FRS2: variants seen among roughly 807,000 people sequenced by gnomAD.
The protein encoded by FRS2 is FGFR signalling adaptor.
Under a neutral mutation model 43.9 loss-of-function variants are expected in FRS2, and 8 were observed. The ratio of observed to expected loss-of-function variants is 0.18; its 90% CI spans 0.11 to 0.33. The LOEUF (loss-of-function observed/expected upper bound fraction) is 0.33. Ranked by LOEUF, FRS2 falls within the 10% of genes least tolerant of loss-of-function variation. The pLI, the probability that FRS2 is intolerant of heterozygous loss-of-function variation, is 1.00. For synonymous variants in FRS2, 219 were observed against 220.3 expected (o/e 0.99, Z 0.05); for missense variants, 534 against 627.6 (o/e 0.85, Z 1.59).
chr12:69,475,786 C>G (rs145982212), intron 1 of FRS2, among the ~76,000 whole-genome samples: 42 of 152,084 alleles, frequency 2.8e-4, no homozygotes, highest in African/African-American at 9.2e-4. Flanking sequence ...GCTTGTGGCT[C>G]CCGAAGTGCT....
In FRS2 at chr12:69,575,907, T is replaced by C. The variant is rs1185876945; in HGVS notation, c.*952T>C. The C allele has an allele frequency of 6.6e-6, 1 of 152,656 alleles. No homozygotes were observed. Among genetic ancestry groups the C allele is most frequent in the African/African-American group, 2.4e-5 (1 of 41,460 alleles). 9.5% of individuals were successfully genotyped at this position (152,656 alleles called of 1,614,324 possible). A position where few individuals can be genotyped will look rare whatever the true frequency, so the allele number is the denominator to read the frequency against. Reference sequence around the variant, plus strand: ...GTTTTGAAATTGGATTATGTGTTCATTGTTGTTTAGTTTGCATTTTTGTCA... The same window carrying C: ...GTTTTGAAATTGGATTATGTGTTCACTGTTGTTTAGTTTGCATTTTTGTCA... On this transcript the variant is annotated 3_prime_UTR_variant, in exon 9 of 9. Transcript: ENST00000549921.
Position 69,574,514 on chromosome 12 carries a change from C to A in FRS2, c.1086C>A (p.Arg362=). Residue 362 remains arginine (R), a synonymous_variant, in exon 9 of 9, where the codon CGC becomes CGA. Coordinates refer to ENST00000549921, the MANE Select transcript of FRS2 (RefSeq NM_001278356.2). Reference sequence around the variant, plus strand: ...CTTTGCCTCCTGTTTGGGAAGCCCGCAAGCTAAGTAGGGATGAAGATGACA... The same window carrying A: ...CTTTGCCTCCTGTTTGGGAAGCCCGAAAGCTAAGTAGGGATGAAGATGACA... ...LPSLPPVWEA[R]KLSRDEDDNL... 2 of 1,614,074 alleles carry A rather than the reference C, an allele frequency of 1.2e-6. No homozygotes were observed. The highest frequency in any genetic ancestry group is 1.7e-6 in the Non-Finnish European group (2 of 1,179,994).
At position 69,531,666 on chromosome 12, in the gene FRS2, G is replaced by GA. The variant is rs35298436; in HGVS notation, c.-164-337dup. Among the ~76,000 whole-genome samples the GA allele has an allele frequency of 5.5e-3, 792 of 144,932 alleles. 6 individuals carry two copies. Among genetic ancestry groups the GA allele is most frequent in the African/African-American group, 0.018 (705 of 39,892 alleles). ...CTTTTTACCTTATGTGAATTACACCGAAAAAAAAAAAGGACCCTTCAGAAC... is the reference window on the plus strand; with the variant it reads ...CTTTTTACCTTATGTGAATTACACCGAAAAAAAAAAAAGGACCCTTCAGAAC... On this transcript the variant is annotated intron_variant, in intron 2 of 8. Transcript: ENST00000549921.
chr12:69,569,136 T>G (rs755477608), intron 5 of FRS2, 40 bp downstream of exon 5: 1 of 1,165,682 alleles, frequency 8.6e-7, no homozygotes, highest in South Asian at 1.3e-5. Flanking sequence ...TACTGCCTAG[T>G]TGGGTGTTCT....
intron 3 of FRS2, 28 bp from the exon 4 acceptor site, chr12:69,562,152 A>G (rs982259720): frequency 2.5e-6 from 1 of 397,584 alleles, no homozygotes; most frequent in Non-Finnish European, 4.4e-6. Context: ...GAAATGAGAA[A>G]TTCTCAATGT....
chr12:69,550,495 C>G (rs1242286458), intron 3 of FRS2, among the ~76,000 whole-genome samples: 1 of 152,180 alleles, frequency 6.6e-6, no homozygotes, highest in African/African-American at 2.4e-5. Context: ...CATATTTTAA[C>G]TAAGTCTAAA....
chr12:69,481,775 A>T (rs1298368053), intron 1 of FRS2, among the ~76,000 whole-genome samples: 1 of 152,078 alleles, frequency 6.6e-6, no homozygotes, highest in Non-Finnish European at 1.5e-5. Flanking sequence ...GTCTGATTTG[A>T]TCTGATTAGC....
At chr12:69,486,205 G>A (rs1403492515) in intron 1 of FRS2, 1 of 146,670 alleles carries the variant, frequency 6.8e-6, no homozygotes, top group East Asian at 2.0e-4. Context: ...TTAACAGATT[G>A]AAGGTTTGTG....
At chr12:69,470,786 G>C (rs999432578) in intron 1 of FRS2, among the ~76,000 whole-genome samples, 6 of 152,090 alleles carry the variant, frequency 3.9e-5, no homozygotes, top group African/African-American at 1.5e-4. Context: ...CGAGAGTGGG[G>C]ATGGGCTGGG....
At position 69,473,783 on chromosome 12, in the gene FRS2, C is replaced by T. The variant is rs140377830; in HGVS notation, c.-261+3253C>T. ...TGAAGGCTCTGCAGGACCTCAATGT[C>T]GTAGGTGGGTGGCGAGGAGGAGGGG... On this transcript the variant is annotated intron_variant, in intron 1 of 8. Transcript: ENST00000549921. Among the ~76,000 whole-genome samples, 1,078 of 151,912 alleles carry T rather than the reference C, an allele frequency of 7.1e-3. 14 individuals are homozygous for T. The highest frequency in any genetic ancestry group is 0.024 in the African/African-American group (1,013 of 41,414).
chr12:69,544,369 C>G (rs1238523108), intron 3 of FRS2, among the ~76,000 whole-genome samples: 1 of 151,980 alleles, frequency 6.6e-6, no homozygotes, highest in Non-Finnish European at 1.5e-5. Context: ...AAACATTTGA[C>G]AAAATTCAGC....
chr12:69,496,613 C>G (rs1872921623), intron 1 of FRS2, among the ~76,000 whole-genome samples: 1 of 152,148 alleles, frequency 6.6e-6, no homozygotes, highest in African/African-American at 2.4e-5. Flanking sequence ...ATATATAAAC[C>G]AAACGCTTTC....
intron 1 of FRS2, among the ~76,000 whole-genome samples, chr12:69,507,595 AGTTTTAATCTCATG>A (rs1592956237): frequency 6.6e-6 from 1 of 152,206 alleles, no homozygotes; most frequent in Non-Finnish European, 1.5e-5. Context: ...ACTGTGATGT[AGTTTTAATCTCATG>A]GTTTTAATCT....
chr12:69,550,770 T>C (rs1034539680), intron 3 of FRS2, among the ~76,000 whole-genome samples: 1 of 152,240 alleles, frequency 6.6e-6, no homozygotes, highest in Non-Finnish European at 1.5e-5. Context: ...GAATACAGTT[T>C]TGTAATTTAC....
intron 3 of FRS2, among the ~76,000 whole-genome samples, chr12:69,556,900 G>A (rs959470403): frequency 2.6e-5 from 4 of 152,176 alleles, no homozygotes; most frequent in East Asian, 1.9e-4. Context: ...TATAAAATTC[G>A]TACTGTGGTT....
At chr12:69,487,625 C>T (rs561116629) in intron 1 of FRS2, among the ~76,000 whole-genome samples, 14 of 152,316 alleles carry the variant, frequency 9.2e-5, no homozygotes, top group Admixed American at 7.2e-4. Flanking sequence ...ATCTATTCTG[C>T]AGCCCATAGA....
Position 69,574,198 on chromosome 12 carries a change from C to T in FRS2, c.770C>T (p.Pro257Leu). ...GTCAAATTTGTTTTAGGGCCAACCC[C>T]TGTTCAAAAGCAGTTAATGGAAAAA... is the stretch of plus-strand genomic sequence containing the variant. Reference protein sequence around the residue: ...EGVKFVLGPTPVQKQLMEKEK... With the variant: ...EGVKFVLGPTLVQKQLMEKEK... The change falls in exon 9 of 9, where the codon CCT (proline) becomes CTT (leucine). Residue 257 changes from proline (P) to leucine (L), a missense_variant. Pro to Leu is a moderately conservative substitution (Grantham distance 98). Around this residue, in one of 3 missense-constraint regions of FRS2, gnomAD observed 446 missense variants for 494.2 expected, o/e 0.90. Transcript: ENST00000549921. 1 of 1,614,210 alleles carries T rather than the reference C, an allele frequency of 6.2e-7. No individual in the cohort carries two copies. Among genetic ancestry groups the T allele is most frequent in the African/African-American group, 1.3e-5 (1 of 75,038 alleles).
chr12:69,543,051 C>G (rs1878058647), intron 3 of FRS2, among the ~76,000 whole-genome samples: 1 of 152,188 alleles, frequency 6.6e-6, no homozygotes, highest in Non-Finnish European at 1.5e-5. Flanking sequence ...CAGGTACTAC[C>G]TCAGTCTTAT....
intron 3 of FRS2, among the ~76,000 whole-genome samples, chr12:69,550,999 T>C (rs2135735771): frequency 6.6e-6 from 1 of 152,230 alleles, no homozygotes; most frequent in Admixed American, 6.5e-5. Flanking sequence ...TTCTTAGAAA[T>C]TTCAGCTGTT....
Sources: gnomAD v4.1 joint callset for allele counts (sites outside exome capture counted in the v4.1 genomes callset) on GRCh38, gnomAD v4.1.1 for gene constraint, gnomAD v4.1.1 regional missense constraint, MANE v1.5 for transcripts, NCBI Gene and HGNC (gene_info 2026-07-23, HGNC 2026-07-21) for gene names.